PHACTR1: variants seen among roughly 807,000 people sequenced by gnomAD.
The protein encoded by PHACTR1 is phosphatase and actin regulator 1.
In PHACTR1, 16 loss-of-function variants were observed where a neutral mutation model predicts 69.2. The observed-to-expected ratio is 0.23, with a 90% CI of 0.16 to 0.35. PHACTR1 has a LOEUF of 0.35. Among genes scored for constraint, PHACTR1 ranks in the 10% least tolerant of loss-of-function variants. The pLI, the probability that PHACTR1 is intolerant of heterozygous loss-of-function variation, is 1.00. For missense variants in PHACTR1, 510 were observed against 734.7 expected (o/e 0.69, Z 3.54); for synonymous variants, 312 against 284.5 (o/e 1.10, Z -0.97).
rs1451635737 is a variant in PHACTR1 at position 12,827,260 on chromosome 6, A to C, written c.250+77470A>C. ...ATAGATGAGAAGGCAAATTCGCTCA[A>C]TTGTATTTAATGTAGGGCAAGTATT... On this transcript the variant is annotated intron_variant, in intron 4 of 14. Coordinates refer to ENST00000332995, the MANE Select transcript of PHACTR1 (RefSeq NM_030948.6). Among the ~76,000 whole-genome samples the C allele has an allele frequency of 2.0e-5, 3 of 152,290 alleles. No individual in the cohort carries two copies. The East Asian group carries it at 5.8e-4, about 29-fold the overall frequency.
intron 5 of PHACTR1, among the ~76,000 whole-genome samples, chr6:13,102,114 A>C (rs1815261168): frequency 1.3e-5 from 2 of 152,204 alleles, no homozygotes; most frequent in Non-Finnish European, 2.9e-5. Flanking sequence ...ACTGACCCAG[A>C]GCTTCACCTC....
chr6:12,759,015 T>G (rs1767704468), intron 4 of PHACTR1, among the ~76,000 whole-genome samples: 1 of 147,048 alleles, frequency 6.8e-6, no homozygotes, highest in African/African-American at 2.5e-5. Context: ...TCTCAGCTAC[T>G]GGGGAGGCTG....
intron 4 of PHACTR1, among the ~76,000 whole-genome samples, chr6:12,807,183 T>TA (rs915095331): frequency 2.6e-5 from 4 of 152,048 alleles, no homozygotes; most frequent in Admixed American, 6.6e-5. Flanking sequence ...GATGGGCTTT[T>TA]AAAAAAAATC....
At chr6:12,768,718 G>T (rs1768989608) in intron 4 of PHACTR1, among the ~76,000 whole-genome samples, 1 of 151,484 alleles carries the variant, frequency 6.6e-6, no homozygotes. Flanking sequence ...TGGATCCTAT[G>T]GTAGTTATAT....
At chr6:12,847,964 G>C (rs531275634) in intron 4 of PHACTR1, among the ~76,000 whole-genome samples, 1 of 151,986 alleles carries the variant, frequency 6.6e-6, no homozygotes, top group Non-Finnish European at 1.5e-5. Flanking sequence ...TCTTTTATTT[G>C]AACTTTGATA....
intron 3 of PHACTR1, among the ~76,000 whole-genome samples, chr6:12,736,037 C>T (rs1764204619): frequency 6.6e-6 from 1 of 152,076 alleles, no homozygotes; most frequent in African/African-American, 2.4e-5. Flanking sequence ...GTTTAAGCAG[C>T]GAGAACTGAG....
intron 5 of PHACTR1, among the ~76,000 whole-genome samples, chr6:13,106,171 C>A (rs1215135847): frequency 6.6e-6 from 1 of 152,142 alleles, no homozygotes; most frequent in African/African-American, 2.4e-5. Flanking sequence ...GATAAAAGTT[C>A]TTTTCTTTTC....
At chr6:13,228,797 C>T (rs1003483675) in intron 9 of PHACTR1, among the ~76,000 whole-genome samples, 9 of 152,202 alleles carry the variant, frequency 5.9e-5, no homozygotes, top group African/African-American at 1.7e-4. Flanking sequence ...AGAGACAAGG[C>T]GCTGGCCCAG....
chr6:12,976,150 A>G (rs1391327524), intron 4 of PHACTR1, among the ~76,000 whole-genome samples: 1 of 152,204 alleles, frequency 6.6e-6, no homozygotes, highest in Non-Finnish European at 1.5e-5. Context: ...CTGGCCAAGG[A>G]ATTCTAAGCT....
chr6:12,719,134 C>T (rs1427156500), intron 3 of PHACTR1, among the ~76,000 whole-genome samples: 1 of 152,122 alleles, frequency 6.6e-6, no homozygotes, highest in Non-Finnish European at 1.5e-5. Flanking sequence ...CACTTATGTC[C>T]AAAAAGAATC....
intron 4 of PHACTR1, among the ~76,000 whole-genome samples, chr6:12,972,310 C>T (rs1226392846): frequency 5.9e-5 from 9 of 152,186 alleles, no homozygotes; most frequent in Non-Finnish European, 1.2e-4. Context: ...TGGGTGAATT[C>T]ACGTGCATAG....
intron 7 of PHACTR1, chr6:13,185,102 T>C: frequency 1.0e-6 from 1 of 973,632 alleles, no homozygotes; most frequent in Non-Finnish European, 1.4e-6. Flanking sequence ...AAGGCAGCTC[T>C]CTGGGGAGGT....
intron 10 of PHACTR1, among the ~76,000 whole-genome samples, chr6:13,238,100 G>A (rs1772276858): frequency 6.6e-6 from 1 of 152,206 alleles, no homozygotes; most frequent in South Asian, 2.1e-4. Context: ...GTCTACAAGT[G>A]ACTCCTGAAG....
At chr6:12,858,192 A>T (rs141916881) in intron 4 of PHACTR1, among the ~76,000 whole-genome samples, 1 of 152,218 alleles carries the variant, frequency 6.6e-6, no homozygotes, top group Non-Finnish European at 1.5e-5. Flanking sequence ...GGTGACATTT[A>T]TATTGACAAT....
intron 4 of PHACTR1, among the ~76,000 whole-genome samples, chr6:12,829,678 G>A (rs1777196776): frequency 6.6e-6 from 1 of 151,970 alleles, no homozygotes; most frequent in Admixed American, 6.6e-5. Flanking sequence ...AATGAGGCCA[G>A]GCGCGGTGGC....
At chr6:13,113,575 G>A (rs1817369613) in intron 5 of PHACTR1, among the ~76,000 whole-genome samples, 3 of 152,166 alleles carry the variant, frequency 2.0e-5, no homozygotes, top group Admixed American at 2.0e-4. Context: ...AACAACCAAT[G>A]CAGCAGAAGT....
intron 5 of PHACTR1, among the ~76,000 whole-genome samples, chr6:13,122,494 A>T (rs1583455581): frequency 6.6e-6 from 1 of 152,226 alleles, no homozygotes; most frequent in African/African-American, 2.4e-5. Flanking sequence ...TGTCCTGACA[A>T]TGTCAAGCTA....
At chr6:13,122,015 C>T (rs149156836) in intron 5 of PHACTR1, among the ~76,000 whole-genome samples, 129 of 152,154 alleles carry the variant, frequency 8.5e-4, no homozygotes, top group African/African-American at 2.9e-3. Flanking sequence ...TAAATATAGG[C>T]AGTATTATGA....
At chr6:13,053,161 G>A (rs1048282131) in intron 4 of PHACTR1, among the ~76,000 whole-genome samples, 3 of 152,094 alleles carry the variant, frequency 2.0e-5, no homozygotes, top group Non-Finnish European at 2.9e-5. Context: ...ATTTGGTTGG[G>A]ATGTTTTGAA....
Sources: gnomAD v4.1 joint callset for allele counts (sites outside exome capture counted in the v4.1 genomes callset) on GRCh38, gnomAD v4.1.1 for gene constraint, MANE v1.5 for transcripts, NCBI Gene and HGNC (gene_info 2026-07-23, HGNC 2026-07-21) for gene names.